The following MAF variants were observed in gnomAD, a reference collection of about 807,000 sequenced individuals.
MAF encodes MAF bZIP transcription factor, also known as transcription factor Maf.
Under a neutral mutation model 22.0 loss-of-function variants are expected in MAF, and 10 were observed. The observed-to-expected ratio is 0.45, with a 90% CI of 0.28 to 0.77. MAF has a LOEUF of 0.77. Among genes scored for constraint, MAF ranks in the 30% least tolerant of loss-of-function variants. The pLI is 0.12. For synonymous variants in MAF, 337 were observed against 255.8 expected (o/e 1.32, Z -3.03); for missense variants, 544 against 548.4 (o/e 0.99, Z 0.08).
downstream of MAF, among the ~76,000 whole-genome samples, chr16:79,589,160 C>A (rs1913039164): frequency 6.6e-6 from 1 of 152,094 alleles, no homozygotes; most frequent in African/African-American, 2.4e-5. Context: ...CCGAGGGTCC[C>A]TCTAAGAAAA....
the MAF span, among the ~76,000 whole-genome samples, chr16:79,570,111 G>T: frequency 6.6e-6 from 1 of 151,214 alleles, no homozygotes; most frequent in Non-Finnish European, 1.5e-5. Context: ...AGCTCAAAAG[G>T]TTAAGAAAGC....
chr16:79,217,986 TAAAAAAAAAAAAAAAAAAAAAAA>T, the MAF span, among the ~76,000 whole-genome samples: 5 of 52,124 alleles, frequency 9.6e-5, no homozygotes, highest in Admixed American at 3.4e-4. Flanking sequence ...GAAGCTTATG[TAAAAAAAAAAAAAAAAAAAAAAA>T]AAAAAAAAAA....
chr16:79,288,779 G>C, the MAF span, among the ~76,000 whole-genome samples: 10 of 152,208 alleles, frequency 6.6e-5, no homozygotes, highest in East Asian at 7.7e-4. Context: ...ACCCAGGCTG[G>C]AGTATAGTGG....
At chr16:79,523,049 T>C in the MAF span, among the ~76,000 whole-genome samples, 1 of 152,336 alleles carries the variant, frequency 6.6e-6, no homozygotes, top group Admixed American at 6.5e-5. Context: ...ATAAGAGTCA[T>C]CATAAAAATT....
the MAF span, among the ~76,000 whole-genome samples, chr16:79,356,062 C>T: frequency 1.6e-4 from 24 of 152,206 alleles, no homozygotes; most frequent in Middle Eastern, 6.8e-3. Context: ...CACACACACA[C>T]GTGCATCCCC....
chr16:79,333,502 G>A, the MAF span, among the ~76,000 whole-genome samples: 7 of 152,156 alleles, frequency 4.6e-5, no homozygotes, highest in East Asian at 5.8e-4. Context: ...GTGCCAACAC[G>A]ATTACCCAAG....
At chr16:79,387,356 A>G in the MAF span, among the ~76,000 whole-genome samples, 1 of 152,142 alleles carries the variant, frequency 6.6e-6, no homozygotes, top group African/African-American at 2.4e-5. Flanking sequence ...TGTGTTTTTC[A>G]TATCTATTTA....
chr16:79,600,210 G>T lies in MAF; in HGVS notation c.-308C>A. ...GAGCCGGCGGCTTCAGGCTCGGGAA[G>T]ATCCTCCGCGAGCTGCGGTGGCGGC... On this transcript the variant is annotated 5_prime_UTR_variant, in exon 1 of 2. Coordinates refer to ENST00000326043, the MANE Select transcript of MAF (RefSeq NM_005360.5). 6.4e-6 allele frequency: 2 copies of T among 312,806 alleles called. No individual in the cohort carries two copies. The highest frequency in any genetic ancestry group is 5.9e-6 in the Non-Finnish European group (1 of 168,686). The allele number at this position is 312,806 out of a possible 1,614,324, so 19.4% of individuals were successfully genotyped here.
chr16:79,453,412 T>C, the MAF span, among the ~76,000 whole-genome samples: 1 of 152,198 alleles, frequency 6.6e-6, no homozygotes, highest in East Asian at 1.9e-4. Flanking sequence ...CTGACTCCTA[T>C]ACATCTTGAT....
At chr16:79,464,181 T>G in the MAF span, among the ~76,000 whole-genome samples, 1 of 152,126 alleles carries the variant, frequency 6.6e-6, no homozygotes, top group African/African-American at 2.4e-5. Flanking sequence ...CAGAACAAAT[T>G]TAAACATTAA....
the MAF span, among the ~76,000 whole-genome samples, chr16:79,574,114 G>C: frequency 6.6e-5 from 10 of 152,344 alleles, no homozygotes; most frequent in African/African-American, 2.4e-4. Flanking sequence ...TCCAAGAGGA[G>C]ATGAGAAATT....
chr16:79,369,223 T>C, the MAF span, among the ~76,000 whole-genome samples: 1 of 152,246 alleles, frequency 6.6e-6, no homozygotes, highest in African/African-American at 2.4e-5. Flanking sequence ...CTGTATTCAT[T>C]AATAGATCCA....
At chr16:79,529,056 AG>A in the MAF span, among the ~76,000 whole-genome samples, 1 of 152,184 alleles carries the variant, frequency 6.6e-6, no homozygotes, top group Admixed American at 6.5e-5. Flanking sequence ...CTGTAGTCTA[AG>A]TAAGTCAACC....
At chr16:79,404,418 T>C in the MAF span, among the ~76,000 whole-genome samples, 10 of 152,156 alleles carry the variant, frequency 6.6e-5, no homozygotes, top group Admixed American at 5.2e-4. Context: ...CGCCTTGGCC[T>C]CCCAAAGTGC....
At chr16:79,310,103 C>T in the MAF span, among the ~76,000 whole-genome samples, 1 of 152,052 alleles carries the variant, frequency 6.6e-6, no homozygotes. Context: ...GTGAGCATTT[C>T]CCCCCCGATT....
At chr16:79,256,780 C>A in the MAF span, among the ~76,000 whole-genome samples, 2 of 152,178 alleles carry the variant, frequency 1.3e-5, no homozygotes, top group African/African-American at 4.8e-5. Context: ...TTTGACAGTA[C>A]ACATTTTAAG....
At chr16:79,593,219 G>C (rs1018430422), downstream of MAF, among the ~76,000 whole-genome samples, 2 of 152,218 alleles carry the variant, frequency 1.3e-5, no homozygotes, top group African/African-American at 4.8e-5. Context: ...ACGGAAGTAA[G>C]TTGGCCTAAA....
the MAF span, chr16:79,204,959 C>T: frequency 1.3e-5 from 2 of 152,176 alleles, no homozygotes; most frequent in Non-Finnish European, 2.9e-5. Flanking sequence ...TCTTAGTGCT[C>T]TTGCAAGAAA....
the MAF span, among the ~76,000 whole-genome samples, chr16:79,388,552 C>A: frequency 6.6e-6 from 1 of 152,156 alleles, no homozygotes; most frequent in Non-Finnish European, 1.5e-5. Flanking sequence ...AACTATGGGC[C>A]ATGTGCTTAT....
Sources: allele counts gnomAD v4.1 joint callset (sites outside exome capture counted in the v4.1 genomes callset), GRCh38; gene constraint gnomAD v4.1.1; transcripts MANE v1.5; gene names NCBI Gene and HGNC (gene_info 2026-07-23, HGNC 2026-07-21).